The following GDPD5 variants were observed in gnomAD, a reference collection of about 807,000 sequenced individuals.
The protein encoded by GDPD5 is glycerophosphodiester phosphodiesterase domain containing 5.
A neutral mutation model predicts 75.1 loss-of-function variants in GDPD5; 48 were observed. That is an observed-to-expected ratio of 0.64 (90% confidence interval 0.51 to 0.81). The LOEUF (loss-of-function observed/expected upper bound fraction) is 0.81, where lower values mean the gene tolerates loss of function less well. GDPD5 is among the 40% of genes least tolerant of loss of function. The probability of loss-of-function intolerance (pLI) is 0.00; values close to 1 mark genes in which losing one functional copy is unlikely to be tolerated. For synonymous variants in GDPD5, 336 were observed against 339.0 expected (o/e 0.99, Z 0.10); for missense variants, 706 against 822.6 (o/e 0.86, Z 1.73).
intron 1 of GDPD5, among the ~76,000 whole-genome samples, chr11:75,509,473 G>A (rs566457549): frequency 1.8e-4 from 27 of 152,346 alleles, no homozygotes; most frequent in Non-Finnish European, 2.9e-4. Context: ...TTCCTGAAAA[G>A]AGGTGAGTGG....
chr11:75,466,299 C>T (rs1301518058), intron 3 of GDPD5, among the ~76,000 whole-genome samples: 1 of 152,130 alleles, frequency 6.6e-6, no homozygotes. Context: ...CAGAGGGAGG[C>T]AGGCAGCGGG....
At chr11:75,462,345 G>T (rs181854856) in intron 4 of GDPD5, among the ~76,000 whole-genome samples, 42 of 152,276 alleles carry the variant, frequency 2.8e-4, no homozygotes, top group African/African-American at 9.1e-4. Flanking sequence ...AGGAATGCAG[G>T]CTGAATCATC....
At position 75,477,772 on chromosome 11, in the gene GDPD5, G is replaced by A. The variant is rs112300509; in HGVS notation, c.-37C>T. 7.6e-4 allele frequency: 1,071 copies of A among 1,407,706 alleles called. 6 individuals carry two copies. The African/African-American group carries it at 0.013, about 17-fold the overall frequency. 87.2% of individuals were successfully genotyped at this position (1,407,706 alleles called of 1,614,324 possible). A position where few individuals can be genotyped will look rare whatever the true frequency, so the allele number is the denominator to read the frequency against. On this transcript the variant is annotated 5_prime_UTR_variant, in exon 3 of 17. Transcript: ENST00000336898. The stretch of plus-strand genomic sequence containing the variant: ...CGGCCCTGGCGCCTGGCCCTCAGGC[G>A]CCCATGGAGGCCCCCAGCTTGTCCT...
intron 3 of GDPD5, among the ~76,000 whole-genome samples, chr11:75,475,830 T>C (rs369251250): frequency 2.2e-4 from 34 of 152,294 alleles, no homozygotes; most frequent in South Asian, 2.1e-3. Flanking sequence ...CCCAGACCCC[T>C]GCCTCAGATT....
At chr11:75,479,516 A>T (rs1949857540) in intron 2 of GDPD5, 1 of 152,220 alleles carries the variant, frequency 6.6e-6, no homozygotes, top group African/African-American at 2.4e-5. Context: ...ATTTGCATTT[A>T]AAAAATGGAG....
At chr11:75,493,770 C>A (rs1377656091) in intron 1 of GDPD5, among the ~76,000 whole-genome samples, 5 of 152,186 alleles carry the variant, frequency 3.3e-5, no homozygotes, top group Non-Finnish European at 7.3e-5. Flanking sequence ...GCACCAGTTT[C>A]TTGCATAAGC....
chr11:75,454,581 T>C (rs1045260371), intron 6 of GDPD5, among the ~76,000 whole-genome samples: 1 of 152,184 alleles, frequency 6.6e-6, no homozygotes, highest in Non-Finnish European at 1.5e-5. Flanking sequence ...GCTAGACGCC[T>C]AGGGAATCAG....
At position 75,449,718 on chromosome 11, in the gene GDPD5, T is replaced by C. The variant is rs1264501468; in HGVS notation, c.475-108A>G. On this transcript the variant is annotated intron_variant, in intron 7 of 16. Coordinates refer to ENST00000336898, the MANE Select transcript of GDPD5 (RefSeq NM_030792.8). ...TGAGGCAGGCAACCCTGTCTCCATC[T>C]GCCAACTGGGGACACTGGGAGCCTC... The C allele has an allele frequency of 3.0e-6, 4 of 1,319,312 alleles. No homozygotes were observed. The African/African-American group carries it at 4.3e-5, about 14-fold the overall frequency. 81.7% of individuals were successfully genotyped at this position (1,319,312 alleles called of 1,614,324 possible). A position where few individuals can be genotyped will look rare whatever the true frequency, so the allele number is the denominator to read the frequency against.
rs1177910932 is a variant in GDPD5, at chr11:75,441,634, C to T, written c.1325+12G>A. 1.3e-6 allele frequency: 2 copies of T among 1,555,164 alleles called. No homozygotes were observed. Among genetic ancestry groups the T allele is most frequent in the East Asian group, 4.8e-5 (2 of 41,904 alleles). ...CACCCTCTCCTGGAGGAGCCCAGGG[C>T]AGGGCAGGCACCTGAGCTCCTGGCG... is the stretch of plus-strand genomic sequence containing the variant. On this transcript the variant is annotated intron_variant, in intron 13 of 16. Transcript: ENST00000336898.
At chr11:75,440,567 T>C (rs1308803651) in intron 14 of GDPD5, among the ~76,000 whole-genome samples, 1 of 152,142 alleles carries the variant, frequency 6.6e-6, no homozygotes, top group Non-Finnish European at 1.5e-5. Flanking sequence ...TCCTATTCTT[T>C]TTTATTTTTA....
At chr11:75,442,909 C>T (rs1948864993) in intron 11 of GDPD5, 3 of 621,470 alleles carry the variant, frequency 4.8e-6, no homozygotes, top group African/African-American at 3.7e-5. Flanking sequence ...TGCTCTCATC[C>T]CTGTCAACCT....
chr11:75,509,833 C>G (rs938302798), intron 1 of GDPD5, among the ~76,000 whole-genome samples: 4 of 152,220 alleles, frequency 2.6e-5, no homozygotes, highest in African/African-American at 9.7e-5. Flanking sequence ...GCACGCACCA[C>G]CAAGCCCGGC....
At chr11:75,473,353 G>A (rs763692193) in intron 3 of GDPD5, among the ~76,000 whole-genome samples, 4 of 152,006 alleles carry the variant, frequency 2.6e-5, no homozygotes, top group Non-Finnish European at 5.9e-5. Flanking sequence ...TCCAGGATGG[G>A]CCTCCATCCA....
chr11:75,448,019 C>A (rs961804734), intron 9 of GDPD5, among the ~76,000 whole-genome samples: 1 of 152,194 alleles, frequency 6.6e-6, no homozygotes, highest in African/African-American at 2.4e-5. Flanking sequence ...GGGGGCCAGA[C>A]TTCCAGAGTG....
intron 1 of GDPD5, among the ~76,000 whole-genome samples, chr11:75,503,096 T>C (rs956956870): frequency 2.0e-5 from 3 of 152,240 alleles, no homozygotes; most frequent in African/African-American, 7.2e-5. Flanking sequence ...CTCAGCTCAC[T>C]GCAACCTCTG....
chr11:75,477,561 C>T (rs1398940322), intron 3 of GDPD5, 58 bp downstream of exon 3: 3 of 1,124,840 alleles, frequency 2.7e-6, no homozygotes, highest in Admixed American at 2.6e-5. Context: ...CCTCCCCCAG[C>T]CCCTCAGGCT....
chr11:75,520,190 A>G (rs1950727949), intron 1 of GDPD5, among the ~76,000 whole-genome samples: 1 of 152,190 alleles, frequency 6.6e-6, no homozygotes, highest in Non-Finnish European at 1.5e-5. Context: ...CCCTCCAGCC[A>G]TCACTCACTG....
chr11:75,514,610 C>T (rs190109363), intron 1 of GDPD5, among the ~76,000 whole-genome samples: 9 of 152,312 alleles, frequency 5.9e-5, no homozygotes, highest in African/African-American at 2.2e-4. Context: ...CAGTTGAACC[C>T]CCAAGCTCCA....
chr11:75,500,845 G>A (rs564277789), intron 1 of GDPD5, among the ~76,000 whole-genome samples: 2 of 152,092 alleles, frequency 1.3e-5, no homozygotes, highest in East Asian at 3.9e-4. Context: ...GCCAAGCCCA[G>A]CTCTGTTCTC....
Sources: gnomAD v4.1 joint callset for allele counts (sites outside exome capture counted in the v4.1 genomes callset) on GRCh38, gnomAD v4.1.1 for gene constraint, MANE v1.5 for transcripts, NCBI Gene and HGNC (gene_info 2026-07-23, HGNC 2026-07-21) for gene names.